Variants in BFSP2 observed in about 807,000 individuals in gnomAD.
BFSP2 encodes beaded filament structural protein 2.
In BFSP2, 38 loss-of-function variants were observed where a neutral mutation model predicts 44.9. The observed-to-expected ratio is 0.85, with a 90% confidence interval of 0.65 to 1.11. The LOEUF is 1.11. Ranked by LOEUF, BFSP2 falls within the 50% of genes least tolerant of loss-of-function variation. The pLI, the probability that BFSP2 is intolerant of heterozygous loss-of-function variation, is 0.00. For synonymous variants in BFSP2, 197 were observed against 209.9 expected (o/e 0.94, Z 0.53); for missense variants, 525 against 533.0 (o/e 0.99, Z 0.15).
intron 1 of BFSP2, among the ~76,000 whole-genome samples, chr3:133,423,913 C>A (rs1004800438): frequency 2.6e-5 from 4 of 152,194 alleles, no homozygotes; most frequent in Non-Finnish European, 5.9e-5. Context: ...CTGCAGTCGT[C>A]CGCTTCACGT....
intron 1 of BFSP2, among the ~76,000 whole-genome samples, chr3:133,420,526 G>A (rs2073583065): frequency 6.6e-6 from 1 of 152,152 alleles, no homozygotes. Flanking sequence ...AGAGTGAGCT[G>A]GTCTGATTAT....
intron 1 of BFSP2, among the ~76,000 whole-genome samples, chr3:133,417,680 C>G (rs920345381): frequency 6.8e-6 from 1 of 146,540 alleles, no homozygotes; most frequent in African/African-American, 2.5e-5. Context: ...CCTCTCCTCT[C>G]TACTCAACCC....
At chr3:133,434,487 A>G (rs2073761474) in intron 1 of BFSP2, among the ~76,000 whole-genome samples, 1 of 151,668 alleles carries the variant, frequency 6.6e-6, no homozygotes, top group Non-Finnish European at 1.5e-5. Flanking sequence ...CCGCCCCAAC[A>G]CTTCAACACC....
intron 1 of BFSP2, among the ~76,000 whole-genome samples, chr3:133,421,078 A>C (rs1172947219): frequency 6.6e-6 from 1 of 152,186 alleles, no homozygotes; most frequent in East Asian, 1.9e-4. Flanking sequence ...TGTAAACTAG[A>C]AAGTATGCGT....
intron 1 of BFSP2, among the ~76,000 whole-genome samples, chr3:133,405,217 A>G (rs750378485): frequency 7.9e-5 from 12 of 152,220 alleles, no homozygotes; most frequent in Non-Finnish European, 1.5e-4. Flanking sequence ...CAGAGGTTCT[A>G]AATTAAGGAG....
At chr3:133,409,223 C>T (rs2073428226) in intron 1 of BFSP2, among the ~76,000 whole-genome samples, 1 of 80,716 alleles carries the variant, frequency 1.2e-5, no homozygotes, top group Non-Finnish European at 2.5e-5. Context: ...GTTATTCTGA[C>T]ACTGGTGTGT....
intron 1 of BFSP2, among the ~76,000 whole-genome samples, chr3:133,441,843 A>C (rs1014721874): frequency 2.0e-5 from 3 of 152,196 alleles, no homozygotes; most frequent in Non-Finnish European, 4.4e-5. Context: ...AAAACTAACA[A>C]AGCAGAAAGG....
intron 4 of BFSP2, among the ~76,000 whole-genome samples, chr3:133,463,399 T>C (rs540183204): frequency 6.6e-6 from 1 of 152,282 alleles, no homozygotes; most frequent in Non-Finnish European, 1.5e-5. Context: ...GAAAGACAAG[T>C]GCGCAGTTTG....
chr3:133,465,129 G>A (rs527530237), intron 4 of BFSP2, among the ~76,000 whole-genome samples: 4 of 150,468 alleles, frequency 2.7e-5, no homozygotes, highest in Admixed American at 6.7e-5. Flanking sequence ...TCAGCCTCCC[G>A]AGTAGCTGGG....
At chr3:133,432,857 C>T (rs886927116) in intron 1 of BFSP2, among the ~76,000 whole-genome samples, 1 of 152,160 alleles carries the variant, frequency 6.6e-6, no homozygotes, top group Non-Finnish European at 1.5e-5. Flanking sequence ...ACACAAGAGC[C>T]AGGACCACAT....
intron 4 of BFSP2, among the ~76,000 whole-genome samples, chr3:133,451,426 A>G (rs905981581): frequency 2.6e-5 from 4 of 152,386 alleles, no homozygotes; most frequent in African/African-American, 9.6e-5. Context: ...TTCTTGGGCC[A>G]GATGGCCTCT....
chr3:133,428,657 G>C (rs1227385203), intron 1 of BFSP2, among the ~76,000 whole-genome samples: 1 of 152,182 alleles, frequency 6.6e-6, no homozygotes, highest in Non-Finnish European at 1.5e-5. Context: ...CTTGTCAGAG[G>C]AAAGTCGGGG....
chr3:133,444,458 G>A (rs935097357), intron 1 of BFSP2, among the ~76,000 whole-genome samples: 1 of 152,166 alleles, frequency 6.6e-6, no homozygotes, highest in Non-Finnish European at 1.5e-5. Flanking sequence ...ACCCATGCTT[G>A]TGAATGGAGG....
At chr3:133,435,470 T>C (rs2073771831) in intron 1 of BFSP2, among the ~76,000 whole-genome samples, 1 of 152,340 alleles carries the variant, frequency 6.6e-6, no homozygotes, top group Non-Finnish European at 1.5e-5. Context: ...CTGGTAAAGC[T>C]ATGTTTCATC....
intron 2 of BFSP2, 77 bp from the exon 3 acceptor site, chr3:133,448,412 C>A: frequency 6.4e-7 from 1 of 1,553,242 alleles, no homozygotes; most frequent in Non-Finnish European, 8.9e-7. Flanking sequence ...CATAATTGGC[C>A]TGTTGGTAAC....
chr3:133,447,385 T>A lies in BFSP2; in HGVS notation c.558T>A (p.Asp186Glu). Reference protein sequence around the residue: ...LQTETIQAGADDFKERYENEQ... With the variant: ...LQTETIQAGAEDFKERYENEQ... ...CAGAAACTATCCAGGCCGGAGCAGA[T>A]GACTTTAAAGAGAGGTAATGTCTTA... The change falls in exon 2 of 7, where the codon GAT (aspartate) becomes GAA (glutamate). Residue 186 changes from aspartate (D) to glutamate (E), a missense_variant. Physicochemically the swap from Asp to Glu is conservative, Grantham distance 45. Transcript: ENST00000302334. 6.2e-7 allele frequency: 1 copy of A among 1,613,956 alleles called. No homozygotes were observed. Among genetic ancestry groups the A allele is most frequent in the Non-Finnish European group, 8.5e-7 (1 of 1,179,960 alleles).
chr3:133,417,411 C>T, intron 1 of BFSP2, among the ~76,000 whole-genome samples: 1 of 110,714 alleles, frequency 9.0e-6, no homozygotes, highest in African/African-American at 3.6e-5. Context: ...CTCCCCTCTA[C>T]TCACCCCACC....
intron 4 of BFSP2, chr3:133,455,804 C>T (rs2074008105): frequency 6.6e-6 from 1 of 152,438 alleles, no homozygotes; most frequent in African/African-American, 2.4e-5. Flanking sequence ...AGCACGGGTC[C>T]CGTCTTTCTT....
At chr3:133,473,094 G>A (rs902699874) in intron 6 of BFSP2, among the ~76,000 whole-genome samples, 1 of 151,986 alleles carries the variant, frequency 6.6e-6, no homozygotes, top group South Asian at 2.1e-4. Context: ...CACCCCAGCT[G>A]GGCATCTTTT....
Sources: gnomAD v4.1 joint callset for allele counts (sites outside exome capture counted in the v4.1 genomes callset) on GRCh38, gnomAD v4.1.1 for gene constraint, MANE v1.5 for transcripts, NCBI Gene and HGNC (gene_info 2026-07-23, HGNC 2026-07-21) for gene names.